Variants in LRFN5 observed in about 807,000 individuals in gnomAD.
LRFN5 encodes leucine-rich repeat and fibronectin type-III domain-containing protein 5.
In LRFN5, 24 loss-of-function variants were observed where a neutral mutation model predicts 45.6. The observed-to-expected ratio is 0.53, with a 90% CI of 0.38 to 0.74. LRFN5 has a LOEUF of 0.74. LRFN5 is among the 30% of genes least tolerant of loss of function. The pLI, the probability that LRFN5 is intolerant of heterozygous loss-of-function variation, is 0.00. For synonymous variants in LRFN5, 340 were observed against 313.8 expected (o/e 1.08, Z -0.88); for missense variants, 776 against 861.5 (o/e 0.90, Z 1.24).
intron 2 of LRFN5, among the ~76,000 whole-genome samples, chr14:41,875,204 C>G (rs567331992): frequency 6.6e-6 from 1 of 152,240 alleles, no homozygotes; most frequent in Admixed American, 6.5e-5. Flanking sequence ...ACATCACTCC[C>G]CTTTCCCAGA....
intron 1 of LRFN5, among the ~76,000 whole-genome samples, chr14:41,628,938 G>A (rs915700460): frequency 6.6e-6 from 1 of 151,976 alleles, no homozygotes. Context: ...TGTTTATGTC[G>A]AATCTACCTT....
chr14:41,730,621 A>G (rs1004107028), intron 1 of LRFN5, among the ~76,000 whole-genome samples: 6 of 151,998 alleles, frequency 3.9e-5, no homozygotes, highest in Non-Finnish European at 7.4e-5. Context: ...AACACATATT[A>G]TATAATTTTC....
chr14:41,730,911 T>C (rs1884144961), intron 1 of LRFN5, among the ~76,000 whole-genome samples: 1 of 152,060 alleles, frequency 6.6e-6, no homozygotes, highest in Non-Finnish European at 1.5e-5. Context: ...TATATGTTAA[T>C]TGAATGAAAG....
At chr14:41,880,726 G>A (rs1304842070) in intron 2 of LRFN5, among the ~76,000 whole-genome samples, 4 of 152,098 alleles carry the variant, frequency 2.6e-5, no homozygotes. Context: ...AAAGAGAAGA[G>A]TTCGTATCTC....
chr14:41,734,029 C>CTTTTT (rs58623215), intron 1 of LRFN5, among the ~76,000 whole-genome samples: 20 of 123,852 alleles, frequency 1.6e-4, no homozygotes, highest in East Asian at 2.3e-4. Flanking sequence ...CTTTTCTTTT[C>CTTTTT]TTTTTTTTTT....
At chr14:41,783,223 G>A (rs1886597606) in intron 2 of LRFN5, among the ~76,000 whole-genome samples, 1 of 151,948 alleles carries the variant, frequency 6.6e-6, no homozygotes, top group Non-Finnish European at 1.5e-5. Context: ...AGAATGTAGG[G>A]GGAGACTTTT....
intron 1 of LRFN5, among the ~76,000 whole-genome samples, chr14:41,673,039 T>G (rs1451149966): frequency 6.6e-6 from 1 of 152,120 alleles, no homozygotes; most frequent in African/African-American, 2.4e-5. Flanking sequence ...TTTATTTATT[T>G]ATTTATTTAT....
At chr14:41,818,319 T>A (rs1170163113) in intron 2 of LRFN5, among the ~76,000 whole-genome samples, 1 of 152,062 alleles carries the variant, frequency 6.6e-6, no homozygotes, top group Admixed American at 6.6e-5. Flanking sequence ...TATATATATT[T>A]CAATTTTTGA....
intron 2 of LRFN5, among the ~76,000 whole-genome samples, chr14:41,812,199 A>G (rs1887760241): frequency 6.6e-6 from 1 of 152,108 alleles, no homozygotes; most frequent in South Asian, 2.1e-4. Flanking sequence ...GTACTTGTAT[A>G]TATTCCAAAA....
chr14:41,687,819 G>A (rs1882189102), intron 1 of LRFN5, among the ~76,000 whole-genome samples: 1 of 152,158 alleles, frequency 6.6e-6, no homozygotes, highest in Admixed American at 6.5e-5. Context: ...CCTGCTGGGG[G>A]TTGGGGTTTG....
At chr14:41,796,625 CAATT>C (rs1259247519) in intron 2 of LRFN5, among the ~76,000 whole-genome samples, 1 of 151,794 alleles carries the variant, frequency 6.6e-6, no homozygotes, top group African/African-American at 2.4e-5. Flanking sequence ...ATTATATTAG[CAATT>C]AATTAGGGTC....
At chr14:41,715,854 G>A (rs913527338) in intron 1 of LRFN5, among the ~76,000 whole-genome samples, 6 of 152,146 alleles carry the variant, frequency 3.9e-5, no homozygotes, top group African/African-American at 1.4e-4. Context: ...TGGGGGCTCT[G>A]ACCCCACATT....
At chr14:41,808,739 A>C (rs1887638742) in intron 2 of LRFN5, among the ~76,000 whole-genome samples, 1 of 152,102 alleles carries the variant, frequency 6.6e-6, no homozygotes, top group Non-Finnish European at 1.5e-5. Context: ...TAACATTTCA[A>C]TAATGAATTA....
intron 1 of LRFN5, among the ~76,000 whole-genome samples, chr14:41,654,035 C>A (rs915694820): frequency 1.6e-4 from 25 of 151,878 alleles, no homozygotes; most frequent in Non-Finnish European, 2.9e-4. Flanking sequence ...ACATCACACA[C>A]CAGGGCCTGT....
chr14:41,726,442 T>G (rs1883936679), intron 1 of LRFN5, among the ~76,000 whole-genome samples: 1 of 152,188 alleles, frequency 6.6e-6, no homozygotes, highest in South Asian at 2.1e-4. Flanking sequence ...GTAACACCCA[T>G]GCATCCTTCC....
intron 2 of LRFN5, among the ~76,000 whole-genome samples, chr14:41,869,502 G>T (rs962895982): frequency 7.3e-5 from 11 of 151,682 alleles, no homozygotes; most frequent in African/African-American, 2.7e-4. Context: ...ATCTAGCCTG[G>T]CGTTGTTGAA....
chr14:41,766,048 CATT>C (rs1400274650), intron 1 of LRFN5, among the ~76,000 whole-genome samples: 1 of 152,060 alleles, frequency 6.6e-6, no homozygotes, highest in Non-Finnish European at 1.5e-5. Context: ...TTTGGAATTT[CATT>C]ATTTCTCACT....
At chr14:41,841,268 G>A (rs964067772) in intron 2 of LRFN5, among the ~76,000 whole-genome samples, 1 of 151,790 alleles carries the variant, frequency 6.6e-6, no homozygotes, top group African/African-American at 2.4e-5. Context: ...TAGAAAACCT[G>A]AACATGAAAA....
In LRFN5 at chr14:41,736,047, A is replaced by G. The variant is rs143291979; in HGVS notation, c.-196-30807A>G. Among the ~76,000 whole-genome samples, 679 of 152,158 alleles carry G rather than the reference A, an allele frequency of 4.5e-3. 2 individuals carry two copies. The highest frequency in any genetic ancestry group is 8.0e-3 in the Non-Finnish European group (541 of 68,030). Reference sequence around the variant, plus strand: ...TGGTTCCAAGTCTTTGCTATTGTGAATAGTGCTGCAATAAACATATGTGTG... The same window carrying G: ...TGGTTCCAAGTCTTTGCTATTGTGAGTAGTGCTGCAATAAACATATGTGTG... On this transcript the variant is annotated intron_variant, in intron 1 of 5. Coordinates refer to ENST00000298119, the MANE Select transcript of LRFN5 (RefSeq NM_152447.5).
Sources: allele counts gnomAD v4.1 joint callset (sites outside exome capture counted in the v4.1 genomes callset), GRCh38; gene constraint gnomAD v4.1.1; transcripts MANE v1.5; gene names NCBI Gene and HGNC (gene_info 2026-07-23, HGNC 2026-07-21).